HHLA1: variants seen among roughly 807,000 people sequenced by gnomAD.
HHLA1 encodes the protein HHLA1 neighbor of OC90.
A neutral mutation model predicts 69.9 loss-of-function variants in HHLA1; 72 were observed. The observed-to-expected ratio is 1.03, with a 90% CI of 0.85 to 1.25. The LOEUF (loss-of-function observed/expected upper bound fraction) is 1.25, where lower values mean the gene tolerates loss of function less well. Ranked by LOEUF, HHLA1 falls within the 50% of genes most tolerant of loss-of-function variation. The probability of loss-of-function intolerance (pLI) is 0.00; values close to 1 mark genes in which losing one functional copy is unlikely to be tolerated. For missense variants in HHLA1, 685 were observed against 642.2 expected (o/e 1.07, Z -0.72); for synonymous variants, 252 against 233.2 (o/e 1.08, Z -0.73).
chr8:132,103,931 C>T (rs969179287), intron 3 of HHLA1, 177 bp downstream of exon 3: 2 of 563,192 alleles, frequency 3.6e-6, no homozygotes, highest in Non-Finnish European at 6.4e-6. Flanking sequence ...ATTAAGATCA[C>T]AAGGATTCAA....
intron 14 of HHLA1, 93 bp from the exon 15 acceptor site, chr8:132,071,586 T>C (rs1823546471): frequency 5.0e-6 from 6 of 1,199,154 alleles, no homozygotes; most frequent in African/African-American, 1.5e-5. Context: ...TATAGTCTTG[T>C]CCTGATCTCA....
chr8:132,091,762 G>A (rs1302727258), intron 7 of HHLA1, among the ~76,000 whole-genome samples: 4 of 152,294 alleles, frequency 2.6e-5, no homozygotes, highest in African/African-American at 9.6e-5. Flanking sequence ...ACATGTGAGT[G>A]GGAAAACATA....
At chr8:132,101,895 C>T (rs2130899421) in intron 3 of HHLA1, among the ~76,000 whole-genome samples, 2 of 152,242 alleles carry the variant, frequency 1.3e-5, no homozygotes, top group African/African-American at 4.8e-5. Context: ...TTTAAGTGCA[C>T]AATATAGTAT....
rs778860419 is a variant in HHLA1 at position 132,064,041 on chromosome 8, G to GA, written c.1553-4dup. 147 of 1,297,444 alleles carry GA rather than the reference G, an allele frequency of 1.1e-4. No homozygotes were observed. Among genetic ancestry groups the GA allele is most frequent in the Non-Finnish European group, 1.2e-4 (120 of 983,748 alleles). The allele number at this position is 1,297,444 out of a possible 1,614,324, so 80.4% of individuals were successfully genotyped here. A position where few individuals can be genotyped will look rare whatever the true frequency, so the allele number is the denominator to read the frequency against. On this transcript the variant is annotated splice_polypyrimidine_tract_variant and splice_region_variant and intron_variant, in intron 16 of 16. Transcript: ENST00000414222. The stretch of plus-strand genomic sequence containing the variant: ...CTCAAGGCACTTTTGCTTTAAGGCT[G>GA]AAAAAAAAGCAGAAGAAGAAGGAAC...
intron 2 of HHLA1, among the ~76,000 whole-genome samples, chr8:132,104,613 G>A (rs963626849): frequency 6.6e-6 from 1 of 152,170 alleles, no homozygotes; most frequent in Non-Finnish European, 1.5e-5. Context: ...CACAAGCCCA[G>A]TGTCTGAGGT....
chr8:132,102,946 A>G (rs1040883432), intron 3 of HHLA1, among the ~76,000 whole-genome samples: 5 of 152,138 alleles, frequency 3.3e-5, no homozygotes, highest in African/African-American at 4.8e-5. Flanking sequence ...AATACAGAGC[A>G]TTTTTCAAAT....
intron 10 of HHLA1, chr8:132,080,410 G>A (rs886355953): frequency 6.4e-5 from 20 of 313,020 alleles, no homozygotes; most frequent in African/African-American, 4.3e-4. Flanking sequence ...AGTCAAAGGG[G>A]GTTTGTTCTC....
intron 5 of HHLA1, among the ~76,000 whole-genome samples, chr8:132,097,630 A>G (rs1368538368): frequency 6.6e-6 from 1 of 152,202 alleles, no homozygotes. Context: ...TGGAAGGGCT[A>G]AATGTTTTGC....
chr8:132,067,729 C>T (rs926089423), intron 15 of HHLA1, among the ~76,000 whole-genome samples: 1 of 152,222 alleles, frequency 6.6e-6, no homozygotes, highest in Non-Finnish European at 1.5e-5. Context: ...GTTCTCACAA[C>T]ACTGTCAATA....
chr8:132,089,679 AG>A (rs200546835), intron 7 of HHLA1, 80 bp from the exon 8 acceptor site: 1 of 747,084 alleles, frequency 1.3e-6, no homozygotes, highest in East Asian at 2.7e-5. Flanking sequence ...GATTTTTCAG[AG>A]TAAATTTTAC....
chr8:132,081,730 T>C (rs575690210), intron 10 of HHLA1, among the ~76,000 whole-genome samples: 59 of 152,312 alleles, frequency 3.9e-4, no homozygotes, highest in African/African-American at 1.4e-3. Flanking sequence ...TCAGGGCATG[T>C]TGAGTAAAGC....
At chr8:132,107,846 T>A (rs1361851406) in intron 1 of HHLA1, among the ~76,000 whole-genome samples, 1 of 74,926 alleles carries the variant, frequency 1.3e-5, no homozygotes, top group Non-Finnish European at 2.9e-5. Context: ...TTGGAGAGAG[T>A]TTTATAAAGG....
At chr8:132,072,565 G>A (rs191053621) in intron 14 of HHLA1, among the ~76,000 whole-genome samples, 6 of 152,118 alleles carry the variant, frequency 3.9e-5, no homozygotes, top group Admixed American at 1.3e-4. Context: ...GGGACTGGAA[G>A]GTTATATTAC....
chr8:132,087,335 T>A (rs1049807037), intron 10 of HHLA1, among the ~76,000 whole-genome samples: 1 of 151,676 alleles, frequency 6.6e-6, no homozygotes, highest in East Asian at 1.9e-4. Context: ...GTAGTTAATA[T>A]GAGAAAAAAG....
At chr8:132,095,457 T>G (rs1257667368) in intron 7 of HHLA1, 62 bp downstream of exon 7, 20 of 1,118,478 alleles carry the variant, frequency 1.8e-5, no homozygotes, top group Middle Eastern at 2.0e-4. Context: ...AAACAAAAAC[T>G]TATCTAAAAG....
At chr8:132,106,533 A>G (rs948414457) in intron 1 of HHLA1, among the ~76,000 whole-genome samples, 1 of 152,176 alleles carries the variant, frequency 6.6e-6, no homozygotes, top group African/African-American at 2.4e-5. Flanking sequence ...CAAAACAGTT[A>G]AGAGAACTCT....
At chr8:132,101,213 G>A in intron 3 of HHLA1, 1 of 1,550,330 alleles carries the variant, frequency 6.5e-7, no homozygotes, top group Non-Finnish European at 8.7e-7. Context: ...AGTAAGTCAG[G>A]ATTTAGGGCT....
chr8:132,076,787 T>C (rs1294175902), intron 12 of HHLA1, among the ~76,000 whole-genome samples: 1 of 152,048 alleles, frequency 6.6e-6, no homozygotes, highest in African/African-American at 2.4e-5. Context: ...CCAGCTGACA[T>C]TGGTAAGTTA....
At position 132,061,607 on chromosome 8, in the gene HHLA1, A is replaced by T. The variant is rs1034770776; in HGVS notation, c.*2388T>A. ...CTGCTAACCACTGGTGGCCACATAC[A>T]TACACACTAATTAGTAGGAGTTCCA... On this transcript the variant is annotated 3_prime_UTR_variant, in exon 17 of 17. Transcript: ENST00000414222. 2.0e-5 allele frequency: 3 copies of T among 152,262 alleles called. No individual in the cohort carries two copies. Among genetic ancestry groups the T allele is most frequent in the African/African-American group, 7.2e-5 (3 of 41,424 alleles). 9.4% of individuals were successfully genotyped at this position (152,262 alleles called of 1,614,324 possible).
Sources: allele counts gnomAD v4.1 joint callset (sites outside exome capture counted in the v4.1 genomes callset), GRCh38; gene constraint gnomAD v4.1.1; transcripts MANE v1.5; gene names NCBI Gene and HGNC (gene_info 2026-07-23, HGNC 2026-07-21).